PHACTR3: variants seen among roughly 807,000 people sequenced by gnomAD.
PHACTR3 encodes the protein protein phosphatase 1, regulatory subunit 123.
Under a neutral mutation model 66.8 loss-of-function variants are expected in PHACTR3, and 16 were observed. That is an observed-to-expected ratio of 0.24 (90% CI 0.16 to 0.36). The LOEUF is 0.36. Ranked by LOEUF, PHACTR3 falls within the 10% of genes least tolerant of loss-of-function variation. The probability of loss-of-function intolerance (pLI) is 1.00; values close to 1 mark genes in which losing one functional copy is unlikely to be tolerated. For synonymous variants in PHACTR3, 323 were observed against 292.1 expected (o/e 1.11, Z -1.08); for missense variants, 647 against 719.9 (o/e 0.90, Z 1.16).
chr20:59,767,287 G>A lies in PHACTR3; in HGVS notation c.643G>A (p.Asp215Asn), dbSNP rs748552474. 5.6e-6 allele frequency: 9 copies of A among 1,614,206 alleles called. No homozygotes were observed. The East Asian group carries it at 6.7e-5, about 12-fold the overall frequency. ...SQALAGADSLDSPPRPLERSV... is the reference protein window; with the variant it reads ...SQALAGADSLNSPPRPLERSV... Reference sequence around the variant, plus strand: ...AGCCTTAGCTGGGGCTGACTCCCTGGACAGTCCTCCCAGACCTCTGGAGAG... The same window carrying A: ...AGCCTTAGCTGGGGCTGACTCCCTGAACAGTCCTCCCAGACCTCTGGAGAG... The change falls in exon 5 of 13, where the codon GAC becomes AAC. Residue 215 changes from aspartate (D) to asparagine (N), a missense_variant. Asp to Asn is a conservative substitution (Grantham distance 23). This residue lies in a region of PHACTR3 where 577 missense variants were observed against 571.1 expected (regional missense o/e 1.01). Transcript: ENST00000371015.
At position 59,709,315 on chromosome 20, in the gene PHACTR3, G is replaced by T. The variant is rs77903400; in HGVS notation, c.119-33792G>T. On this transcript the variant is annotated intron_variant, in intron 1 of 12. Transcript: ENST00000371015. ...GCTCCCATAAAAGAGCTATAACCAT[G>T]GTCCCTTTGCCAATGAATTTTGTCC... Among the ~76,000 whole-genome samples, 682 of 152,250 alleles carry T rather than the reference G, an allele frequency of 4.5e-3. 34 individuals carry two copies. The East Asian group carries it at 0.11, about 24-fold the overall frequency.
chr20:59,656,008 T>C (rs2035609917), intron 1 of PHACTR3, among the ~76,000 whole-genome samples: 1 of 151,960 alleles, frequency 6.6e-6, no homozygotes, highest in Admixed American at 6.6e-5. Flanking sequence ...TCAGAAATTA[T>C]ACTTTTTATG....
chr20:59,671,991 G>T (rs959240718), intron 1 of PHACTR3, among the ~76,000 whole-genome samples: 20 of 152,350 alleles, frequency 1.3e-4, no homozygotes, highest in Middle Eastern at 3.4e-3. Flanking sequence ...TCTGAAATGT[G>T]GCCCATCAGG....
chr20:59,721,547 A>G (rs899757431), intron 1 of PHACTR3: 2 of 152,372 alleles, frequency 1.3e-5, no homozygotes, highest in East Asian at 3.8e-4. Context: ...GTTGTTACCC[A>G]GAGTAGAAGA....
At chr20:59,689,261 G>A (rs1028564859) in intron 1 of PHACTR3, among the ~76,000 whole-genome samples, 6 of 152,220 alleles carry the variant, frequency 3.9e-5, no homozygotes, top group African/African-American at 1.4e-4. Context: ...TGGAGGAAGG[G>A]TCATTCTCCA....
At chr20:59,751,154 AG>A (rs1221326561) in intron 3 of PHACTR3, among the ~76,000 whole-genome samples, 2 of 152,168 alleles carry the variant, frequency 1.3e-5, no homozygotes, top group Non-Finnish European at 2.9e-5. Flanking sequence ...AGGACTCTCC[AG>A]GGTGAGGAGC....
intron 1 of PHACTR3, 122 bp downstream of exon 1, chr20:59,605,254 G>A (rs1600897953): frequency 1.6e-6 from 1 of 620,870 alleles, no homozygotes; most frequent in Non-Finnish European, 2.3e-6. Context: ...AGGAACCCGC[G>A]CTCGGCCCCG....
chr20:59,750,864 C>T lies in PHACTR3; in HGVS notation c.358+3029C>T, dbSNP rs149323517. ...CAACGTGCTGTAATAACGGGATCCA[C>T]GCAGATGCTTGGCCACAGGCTCCCG... On this transcript the variant is annotated intron_variant, in intron 3 of 12. Transcript: ENST00000371015. Among the ~76,000 whole-genome samples the T allele has an allele frequency of 5.9e-3, 901 of 152,332 alleles. 3 individuals carry two copies. The highest frequency in any genetic ancestry group is 9.6e-3 in the Non-Finnish European group (655 of 68,028).
chr20:59,583,726 G>A (rs1011369416), intron 1 of PHACTR3, among the ~76,000 whole-genome samples: 1 of 152,240 alleles, frequency 6.6e-6, no homozygotes, highest in Admixed American at 6.5e-5. Flanking sequence ...GCCTGGGCCG[G>A]GGCTGGCTGG....
At chr20:59,711,593 A>G (rs548962882) in intron 1 of PHACTR3, among the ~76,000 whole-genome samples, 1 of 152,324 alleles carries the variant, frequency 6.6e-6, no homozygotes, top group South Asian at 2.1e-4. Context: ...ACTGAACATC[A>G]TAGCCTCGCC....
chr20:59,609,989 C>T (rs1484803697), intron 1 of PHACTR3, among the ~76,000 whole-genome samples: 1 of 152,150 alleles, frequency 6.6e-6, no homozygotes, highest in Non-Finnish European at 1.5e-5. Flanking sequence ...GCATGGTGGT[C>T]ACACCTGTAA....
intron 1 of PHACTR3, among the ~76,000 whole-genome samples, chr20:59,647,315 C>G (rs2035312680): frequency 6.6e-6 from 1 of 152,196 alleles, no homozygotes; most frequent in Admixed American, 6.5e-5. Context: ...CCACATGATT[C>G]AATTATCTCC....
intron 2 of PHACTR3, among the ~76,000 whole-genome samples, chr20:59,745,503 T>A (rs1472984673): frequency 6.6e-6 from 1 of 152,236 alleles, no homozygotes; most frequent in Non-Finnish European, 1.5e-5. Flanking sequence ...ATCTGGAAAT[T>A]CGAGGAACAG....
chr20:59,665,048 C>G (rs2035939512), intron 1 of PHACTR3, among the ~76,000 whole-genome samples: 1 of 152,138 alleles, frequency 6.6e-6, no homozygotes, highest in African/African-American at 2.4e-5. Flanking sequence ...ATAATCAAAT[C>G]AAATAATTTA....
At chr20:59,619,557 C>T (rs111905455) in intron 1 of PHACTR3, among the ~76,000 whole-genome samples, 60 of 152,088 alleles carry the variant, frequency 3.9e-4, no homozygotes, top group African/African-American at 1.0e-3. Context: ...TTTCGGACCC[C>T]GAGCAGATGA....
chr20:59,762,341 C>T (rs1385067433), intron 4 of PHACTR3, among the ~76,000 whole-genome samples: 10 of 152,238 alleles, frequency 6.6e-5, no homozygotes, highest in Non-Finnish European at 1.5e-4. Context: ...AAGGCAGTGG[C>T]ACTATGACCA....
chr20:59,704,749 T>C (rs2037637393), intron 1 of PHACTR3, among the ~76,000 whole-genome samples: 1 of 150,668 alleles, frequency 6.6e-6, no homozygotes, highest in Non-Finnish European at 1.5e-5. Context: ...GCCAAACACC[T>C]CCTTTATTAT....
chr20:59,709,776 T>G (rs747624209), intron 1 of PHACTR3, among the ~76,000 whole-genome samples: 4 of 151,886 alleles, frequency 2.6e-5, no homozygotes, highest in Non-Finnish European at 5.9e-5. Context: ...TTCTGGGTGG[T>G]GTTGGGGGAG....
Position 59,840,348 on chromosome 20 carries a change from TC to T in PHACTR3, c.1385-19del. 2 of 1,597,618 alleles carry T rather than the reference TC, an allele frequency of 1.3e-6. No individual in the cohort carries two copies. The highest frequency in any genetic ancestry group is 1.8e-5 in the Admixed American group (1 of 56,484). ...CTGTTTCTCTTTGTTATTTTTTTTTTCCTATTTTAATCTTTCACAGAAAGGA... is the reference window on the plus strand; with the variant it reads ...CTGTTTCTCTTTGTTATTTTTTTTTTCTATTTTAATCTTTCACAGAAAGGA... On this transcript the variant is annotated intron_variant, in intron 9 of 12. Transcript: ENST00000371015.
Sources: gnomAD v4.1 joint callset for allele counts (sites outside exome capture counted in the v4.1 genomes callset) on GRCh38, gnomAD v4.1.1 for gene constraint, gnomAD v4.1.1 regional missense constraint, MANE v1.5 for transcripts, NCBI Gene and HGNC (gene_info 2026-07-23, HGNC 2026-07-21) for gene names.